Variants in PCNX2 observed in about 807,000 individuals in gnomAD.
PCNX2 encodes the protein pecanex-like protein 2.
A neutral mutation model predicts 223.8 loss-of-function variants in PCNX2; 168 were observed. The ratio of observed to expected loss-of-function variants is 0.75; its 90% CI spans 0.66 to 0.85. The LOEUF is 0.85. Ranked by LOEUF, PCNX2 falls within the 40% of genes least tolerant of loss-of-function variation. PCNX2 has a pLI of 0.00. For missense variants in PCNX2, 2,507 were observed against 2,675.5 expected (o/e 0.94, Z 1.39); for synonymous variants, 1,006 against 1,052.6 (o/e 0.96, Z 0.86).
At chr1:233,040,971 T>G (rs998356945) in intron 25 of PCNX2, among the ~76,000 whole-genome samples, 2 of 152,222 alleles carry the variant, frequency 1.3e-5, no homozygotes, top group Non-Finnish European at 2.9e-5. Flanking sequence ...TTCAACAATC[T>G]TTGCACCCTT....
chr1:233,070,968 G>A (rs1490324941), intron 23 of PCNX2, among the ~76,000 whole-genome samples: 1 of 152,086 alleles, frequency 6.6e-6, no homozygotes, highest in Non-Finnish European at 1.5e-5. Context: ...CCCGGGAGGC[G>A]GAGCTTGCAG....
Position 233,020,190 on chromosome 1 carries a change from C to T in PCNX2, c.4606-3036G>A, listed in dbSNP as rs548350211. ...CTCCTCTCCGTCTGGCAAAACGCTG[C>T]AGTGCTGACTTCAGAACAGAACCCA... On this transcript the variant is annotated intron_variant, in intron 26 of 33. Transcript: ENST00000258229. Among the ~76,000 whole-genome samples, 36 of 152,348 alleles carry T rather than the reference C, an allele frequency of 2.4e-4. No individual in the cohort carries two copies. In the South Asian group the frequency reaches 7.0e-3, roughly 30 times the overall value.
intron 20 of PCNX2, among the ~76,000 whole-genome samples, chr1:233,136,439 A>T (rs1676805657): frequency 6.6e-6 from 1 of 152,186 alleles, no homozygotes; most frequent in Admixed American, 6.5e-5. Context: ...CGTATGCCTC[A>T]ATCTGCTGTT....
chr1:233,029,664 A>G (rs1302897591), intron 25 of PCNX2, among the ~76,000 whole-genome samples: 1 of 152,188 alleles, frequency 6.6e-6, no homozygotes, highest in African/African-American at 2.4e-5. Flanking sequence ...TAGATGTAGA[A>G]TTATGAGTTG....
chr1:233,196,003 A>T (rs1041954816), intron 15 of PCNX2, among the ~76,000 whole-genome samples: 1 of 152,336 alleles, frequency 6.6e-6, no homozygotes, highest in African/African-American at 2.4e-5. Flanking sequence ...TGGGAGACAC[A>T]CTATCTGATT....
In PCNX2 at chr1:233,045,232, T is replaced by G. The variant is rs570684613; in HGVS notation, c.4351+9036A>C. Among the ~76,000 whole-genome samples the G allele has an allele frequency of 2.6e-5, 4 of 152,294 alleles. No homozygotes were observed. The South Asian group carries it at 8.3e-4, about 32-fold the overall frequency. ...GTCATGTCAATCGTGGACAGCAGAA[T>G]GTACAAGGAAATGATGTATCCCAAT... On this transcript the variant is annotated intron_variant, in intron 25 of 33. Transcript: ENST00000258229.
intron 17 of PCNX2, among the ~76,000 whole-genome samples, chr1:233,163,865 A>C (rs1190735057): frequency 2.0e-5 from 3 of 152,116 alleles, no homozygotes; most frequent in African/African-American, 7.2e-5. Context: ...CGTCTGTGTC[A>C]ACAGTTCATT....
At chr1:233,212,028 AT>A (rs1356759745) in intron 12 of PCNX2, among the ~76,000 whole-genome samples, 29 of 152,224 alleles carry the variant, frequency 1.9e-4, no homozygotes, top group African/African-American at 6.8e-4. Flanking sequence ...GCTGTGTTTT[AT>A]CATTTCTCAC....
intron 1 of PCNX2, among the ~76,000 whole-genome samples, chr1:233,284,527 T>G (rs1247002472): frequency 6.6e-6 from 1 of 152,176 alleles, no homozygotes; most frequent in Non-Finnish European, 1.5e-5. Context: ...TCTCCCATCT[T>G]TACTGTACAG....
At chr1:233,070,832 C>G (rs184171228) in intron 23 of PCNX2, among the ~76,000 whole-genome samples, 512 of 152,132 alleles carry the variant, frequency 3.4e-3, no homozygotes, top group Non-Finnish European at 6.0e-3. Flanking sequence ...GTCTGGAGAT[C>G]GAGACCATCC....
At chr1:233,225,110 TAAAAAAA>T (rs71173259) in intron 10 of PCNX2, among the ~76,000 whole-genome samples, 19 of 42,224 alleles carry the variant, frequency 4.5e-4, no homozygotes, top group African/African-American at 8.9e-4. Context: ...AGAACTAAAG[TAAAAAAA>T]AAAAAAAAAA....
At chr1:233,012,976 G>A (rs756499172) in intron 28 of PCNX2, among the ~76,000 whole-genome samples, 2 of 152,162 alleles carry the variant, frequency 1.3e-5, no homozygotes, top group South Asian at 2.1e-4. Flanking sequence ...TAAGGAGCCC[G>A]ATCTTAGGGG....
chr1:233,244,895 G>A (rs540920327), intron 8 of PCNX2, among the ~76,000 whole-genome samples: 2 of 152,220 alleles, frequency 1.3e-5, no homozygotes, highest in African/African-American at 2.4e-5. Context: ...CTGGCAAACT[G>A]CTAGTGCTTC....
the PCNX2 span, among the ~76,000 whole-genome samples, chr1:233,319,650 C>T: frequency 6.6e-6 from 1 of 152,224 alleles, no homozygotes; most frequent in Admixed American, 6.5e-5. Flanking sequence ...GTCTTATGCC[C>T]TCACTTGAAC....
chr1:232,998,743 T>C (rs890613185), intron 31 of PCNX2, among the ~76,000 whole-genome samples: 5 of 152,236 alleles, frequency 3.3e-5, no homozygotes, highest in Non-Finnish European at 7.3e-5. Context: ...AACTGATTAC[T>C]ACATCCAGGT....
At chr1:233,107,722 C>G (rs991117705) in intron 21 of PCNX2, among the ~76,000 whole-genome samples, 1 of 150,902 alleles carries the variant, frequency 6.6e-6, no homozygotes, top group African/African-American at 2.4e-5. Context: ...AATCTCATTA[C>G]AGAACTGAGT....
intron 21 of PCNX2, chr1:233,112,908 G>A (rs1675195251): frequency 1.6e-6 from 2 of 1,289,186 alleles, no homozygotes; most frequent in South Asian, 2.5e-5. Flanking sequence ...GAGATGAACT[G>A]CAGTAACTTG....
At chr1:233,213,843 T>C (rs1331219678) in intron 12 of PCNX2, among the ~76,000 whole-genome samples, 3 of 137,960 alleles carry the variant, frequency 2.2e-5, no homozygotes, top group Admixed American at 7.7e-5. Context: ...TTTTTTTTTT[T>C]TTGAGACAGA....
chr1:233,235,957 A>AAAATATATATATATATATAT lies in PCNX2; in HGVS notation c.2358+887_2358+888insATATATATATATATATATTT, dbSNP rs369886650. ...ATGTGGCAAAGCAATCATAAAAAAA[A>AAAATATATATATATATATAT]ATATATATATATATATATATATATA... On this transcript the variant is annotated intron_variant, in intron 9 of 33. Coordinates refer to ENST00000258229, the MANE Select transcript of PCNX2 (RefSeq NM_014801.4). Among the ~76,000 whole-genome samples, 43 of 93,072 alleles carry AAAATATATATATATATATAT rather than the reference A, an allele frequency of 4.6e-4. 1 individual carries two copies. The highest frequency in any genetic ancestry group is 8.6e-4 in the African/African-American group (22 of 25,582). The allele number at this position is 93,072 out of a possible 152,430, so 61.1% of individuals were successfully genotyped here.
Sources: gnomAD v4.1 joint callset for allele counts (sites outside exome capture counted in the v4.1 genomes callset) on GRCh38, gnomAD v4.1.1 for gene constraint, MANE v1.5 for transcripts, NCBI Gene and HGNC (gene_info 2026-07-23, HGNC 2026-07-21) for gene names.